ABI2: variants seen among roughly 807,000 people sequenced by gnomAD.
ABI2 encodes abl interactor 2.
ABI2 carries 25 observed loss-of-function variants against 59.2 expected under a neutral mutation model. The observed-to-expected ratio is 0.42, with a 90% CI of 0.31 to 0.59. The LOEUF is 0.59. ABI2 is among the 20% of genes least tolerant of loss of function. The pLI is 0.14. For synonymous variants in ABI2, 213 were observed against 235.5 expected (o/e 0.90, Z 0.87); for missense variants, 545 against 681.8 (o/e 0.80, Z 2.23).
chr2:203,335,840 A>C (rs1031853519), intron 1 of ABI2, among the ~76,000 whole-genome samples: 1 of 152,214 alleles, frequency 6.6e-6, no homozygotes, highest in Non-Finnish European at 1.5e-5. Flanking sequence ...TAATACATAT[A>C]TGGTACAAGT....
intron 1 of ABI2, among the ~76,000 whole-genome samples, chr2:203,350,204 G>A (rs1031882599): frequency 2.0e-5 from 3 of 152,180 alleles, no homozygotes; most frequent in African/African-American, 7.2e-5. Flanking sequence ...AACCTTTTGA[G>A]TAGCTGGGAT....
chr2:203,396,783 A>C lies in ABI2; in HGVS notation c.851-2A>C, dbSNP rs1358121660. 6.6e-7 allele frequency: 1 copy of C among 1,526,098 alleles called. No individual in the cohort carries two copies. The highest frequency in any genetic ancestry group is 8.8e-7 in the Non-Finnish European group (1 of 1,142,768). The allele number at this position is 1,526,098 out of a possible 1,614,324, so 94.5% of individuals were successfully genotyped here. ...CTGCCTCTTACTCCTCTTTCCCCTC[A>C]GCCCCTGCTGGCTCTGCTGGCACTC... On this transcript the variant is annotated splice_acceptor_variant, in intron 7 of 11. Transcript: ENST00000261018. LOFTEE classifies it high-confidence loss of function.
At chr2:203,337,264 A>G (rs557075785) in intron 1 of ABI2, among the ~76,000 whole-genome samples, 1 of 152,364 alleles carries the variant, frequency 6.6e-6, no homozygotes, top group African/African-American at 2.4e-5. Context: ...ACTCCACCAA[A>G]AGACTGTTAG....
chr2:203,332,908 G>A (rs983188042), intron 1 of ABI2, among the ~76,000 whole-genome samples: 8 of 151,994 alleles, frequency 5.3e-5, no homozygotes, highest in African/African-American at 1.9e-4. Flanking sequence ...CTTATTGTTT[G>A]GATTAAGAGT....
At chr2:203,340,749 TTATG>T (rs982423516) in intron 1 of ABI2, among the ~76,000 whole-genome samples, 3 of 152,108 alleles carry the variant, frequency 2.0e-5, no homozygotes, top group African/African-American at 7.2e-5. Context: ...ATTTTACAGT[TTATG>T]TGTGTATCAT....
intron 9 of ABI2, 33 bp from the exon 10 acceptor site, chr2:203,411,252 C>T (rs376378292): frequency 2.0e-6 from 3 of 1,521,112 alleles, no homozygotes; most frequent in African/African-American, 1.4e-5. Flanking sequence ...TCGCCCTTAT[C>T]CCTTATCCTC....
intron 1 of ABI2, among the ~76,000 whole-genome samples, chr2:203,363,689 T>C (rs1478703396): frequency 6.6e-6 from 1 of 152,212 alleles, no homozygotes; most frequent in Non-Finnish European, 1.5e-5. Context: ...TCCATCTATG[T>C]TGTTGCAAAT....
intron 1 of ABI2, among the ~76,000 whole-genome samples, chr2:203,346,238 G>T (rs2083443318): frequency 1.3e-5 from 2 of 152,148 alleles, no homozygotes; most frequent in African/African-American, 4.8e-5. Context: ...AAATCTTTGA[G>T]GAGTTTATTG....
At chr2:203,394,669 T>C in intron 5 of ABI2, 31 bp from the exon 6 acceptor site, 1 of 1,588,544 alleles carries the variant, frequency 6.3e-7, no homozygotes, top group Non-Finnish European at 8.6e-7. Flanking sequence ...ACTTGCTTAA[T>C]CATACAATAC....
intron 1 of ABI2, among the ~76,000 whole-genome samples, chr2:203,341,904 G>A (rs2080154003): frequency 6.6e-6 from 1 of 152,124 alleles, no homozygotes; most frequent in Non-Finnish European, 1.5e-5. Flanking sequence ...ACTTAGTGCA[G>A]GACTTACTCA....
At chr2:203,404,398 C>T (rs542267011) in intron 9 of ABI2, among the ~76,000 whole-genome samples, 1 of 152,290 alleles carries the variant, frequency 6.6e-6, no homozygotes, top group South Asian at 2.1e-4. Context: ...TCTTTTATCA[C>T]GTTTAGTGTT....
chr2:203,392,824 A>G (rs955765488), intron 5 of ABI2, among the ~76,000 whole-genome samples: 18 of 152,018 alleles, frequency 1.2e-4, no homozygotes, highest in African/African-American at 3.9e-4. Context: ...TCATATACCA[A>G]TGTTTGTTTT....
At chr2:203,408,774 G>A (rs2097534520) in intron 9 of ABI2, among the ~76,000 whole-genome samples, 1 of 150,518 alleles carries the variant, frequency 6.6e-6, no homozygotes, top group Non-Finnish European at 1.5e-5. Context: ...TCTAGTGCCA[G>A]TTGCTGCCTG....
intron 9 of ABI2, among the ~76,000 whole-genome samples, chr2:203,410,125 G>T (rs1410034716): frequency 6.6e-6 from 1 of 152,142 alleles, no homozygotes; most frequent in Non-Finnish European, 1.5e-5. Context: ...AGCTTGGCAG[G>T]TTCCCTTCTT....
intron 2 of ABI2, among the ~76,000 whole-genome samples, chr2:203,379,780 T>G (rs1050829008): frequency 4.6e-5 from 7 of 152,194 alleles, no homozygotes; most frequent in Non-Finnish European, 1.0e-4. Flanking sequence ...TTGTGGGCCA[T>G]ACCATCTCTG....
At chr2:203,426,304 G>A (rs1339561332) in intron 11 of ABI2, among the ~76,000 whole-genome samples, 2 of 152,110 alleles carry the variant, frequency 1.3e-5, no homozygotes, top group Admixed American at 1.3e-4. Flanking sequence ...AGAGGTTGGA[G>A]CAAAGGATAA....
chr2:203,406,206 T>C (rs771544246), intron 9 of ABI2, among the ~76,000 whole-genome samples: 4 of 152,204 alleles, frequency 2.6e-5, no homozygotes, highest in Non-Finnish European at 4.4e-5. Context: ...AAGAAGAATA[T>C]ACATATATCT....
intron 4 of ABI2, among the ~76,000 whole-genome samples, chr2:203,383,674 T>G (rs1219780899): frequency 1.3e-5 from 2 of 152,128 alleles, no homozygotes; most frequent in African/African-American, 4.8e-5. Context: ...CCTAGAAAGA[T>G]CTAATGAAGA....
At chr2:203,330,849 A>G (rs776427248) in intron 1 of ABI2, among the ~76,000 whole-genome samples, 11 of 152,234 alleles carry the variant, frequency 7.2e-5, no homozygotes, top group Non-Finnish European at 1.5e-5. Flanking sequence ...AGGTAAAAGG[A>G]TAAGGATTAT....
Sources: gnomAD v4.1 joint callset for allele counts (sites outside exome capture counted in the v4.1 genomes callset) on GRCh38, gnomAD v4.1.1 for gene constraint, MANE v1.5 for transcripts, NCBI Gene and HGNC (gene_info 2026-07-23, HGNC 2026-07-21) for gene names.